The following EPS15L1 variants were observed in gnomAD, a reference collection of about 807,000 sequenced individuals.
EPS15L1 encodes the protein epidermal growth factor receptor substrate 15-like 1.
A neutral mutation model predicts 117.1 loss-of-function variants in EPS15L1; 43 were observed. The ratio of observed to expected loss-of-function variants is 0.37; its 90% CI spans 0.29 to 0.47. EPS15L1 has a LOEUF of 0.47. EPS15L1 is among the 20% of genes least tolerant of loss of function. The pLI is 0.99. For missense variants in EPS15L1, 981 were observed against 1,164.0 expected (o/e 0.84, Z 2.29); for synonymous variants, 459 against 470.5 (o/e 0.98, Z 0.32).
intron 13 of EPS15L1, chr19:16,413,194 G>C (rs772909699): frequency 9.5e-5 from 62 of 652,996 alleles, no homozygotes; most frequent in Non-Finnish European, 1.7e-4. Flanking sequence ...CCCGTGTGCA[G>C]AGGCTACTGG....
rs1156931708 is a variant in EPS15L1 at position 16,371,949 on chromosome 19, G to A, written c.2380+5173C>T. Among the ~76,000 whole-genome samples, 1 of 152,212 alleles carries A rather than the reference G, an allele frequency of 6.6e-6. No individual in the cohort carries two copies. Among genetic ancestry groups the A allele is most frequent in the East Asian group, 1.9e-4 (1 of 5,200 alleles). Reference sequence around the variant, plus strand: ...CTGACAGGTTTCGGCAGCCTGCCGGGTCTGTGCTGCATCTGCCTGAAAGAA... The same window carrying A: ...CTGACAGGTTTCGGCAGCCTGCCGGATCTGTGCTGCATCTGCCTGAAAGAA... On this transcript the variant is annotated intron_variant, in intron 22 of 23. Transcript: ENST00000455140. This position sits in a 1 kb window ranked among gnomAD's most constrained non-coding sequence, Gnocchi z 4.7.
intron 1 of EPS15L1, among the ~76,000 whole-genome samples, chr19:16,465,654 C>T (rs773986233): frequency 1.3e-5 from 2 of 151,996 alleles, no homozygotes; most frequent in African/African-American, 2.4e-5. Context: ...TGTACTCCAG[C>T]GTAGGCAATA....
rs528403506 is a variant in EPS15L1 at position 16,383,207 on chromosome 19, C to G, written c.2247+1922G>C. ...GTCCAACTCTGTCCTGGCCCGGCAC[C>G]GCCAATAGGAAGTGAGACCGGCTCT... On this transcript the variant is annotated intron_variant, in intron 21 of 23. Coordinates refer to ENST00000455140, the MANE Select transcript of EPS15L1 (RefSeq NM_001258374.3). The surrounding 1 kb of genome is among the most constrained non-coding windows in gnomAD (Gnocchi z 5.2). The G allele has an allele frequency of 3.3e-4, 50 of 152,236 alleles. No homozygotes were observed. Among genetic ancestry groups the G allele is most frequent in the African/African-American group, 1.2e-3 (50 of 41,536 alleles). 9.4% of individuals were successfully genotyped at this position (152,236 alleles called of 1,614,324 possible).
At chr19:16,382,403 T>A (rs1345357058) in intron 21 of EPS15L1, among the ~76,000 whole-genome samples, 2 of 152,154 alleles carry the variant, frequency 1.3e-5, no homozygotes. Context: ...CTCTCTGGGC[T>A]CGGCAAGAGT....
intron 7 of EPS15L1, among the ~76,000 whole-genome samples, chr19:16,432,816 T>G (rs182639000): frequency 2.0e-5 from 3 of 152,224 alleles, no homozygotes; most frequent in African/African-American, 4.8e-5. Context: ...TATTATTATT[T>G]TTTTAAACAG....
At chr19:16,444,961 C>T (rs1003072583) in intron 1 of EPS15L1, among the ~76,000 whole-genome samples, 1 of 152,116 alleles carries the variant, frequency 6.6e-6, no homozygotes, top group Admixed American at 6.6e-5. Context: ...TCAGGTGATC[C>T]GCCTGCTTTG....
In EPS15L1 at chr19:16,463,947, G is replaced by A. The variant is rs1490544658; in HGVS notation, c.33+7966C>T. On this transcript the variant is annotated intron_variant, in intron 1 of 23. Transcript: ENST00000455140. ...ACGCCTTGAGGCAAGATGAAGGATCGCCTGCGCAGATGACAGAAAGAGGGG... is the reference window on the plus strand; with the variant it reads ...ACGCCTTGAGGCAAGATGAAGGATCACCTGCGCAGATGACAGAAAGAGGGG... Among the ~76,000 whole-genome samples, 16 of 152,340 alleles carry A rather than the reference G, an allele frequency of 1.1e-4. No homozygotes were observed. The South Asian group carries it at 1.2e-3, about 12-fold the overall frequency.
chr19:16,422,970 A>AGG (rs34129551), intron 9 of EPS15L1, among the ~76,000 whole-genome samples: 8 of 121,070 alleles, frequency 6.6e-5, no homozygotes, highest in African/African-American at 2.1e-4. Flanking sequence ...GGAAAAAAAA[A>AGG]GGGGGGGGGG....
At chr19:16,402,273 A>T (rs958574370) in intron 16 of EPS15L1, 48 bp downstream of exon 16, 2 of 1,542,194 alleles carry the variant, frequency 1.3e-6, no homozygotes, top group African/African-American at 2.8e-5. Flanking sequence ...CTGCTGTCAC[A>T]CCAGGGGACC....
chr19:16,470,966 A>C (rs1021840477), intron 1 of EPS15L1, among the ~76,000 whole-genome samples: 3 of 152,228 alleles, frequency 2.0e-5, no homozygotes, highest in Non-Finnish European at 4.4e-5. Flanking sequence ...AATGGCTAAG[A>C]GCTTCAACCA....
chr19:16,379,963 C>T (rs745378633), intron 21 of EPS15L1, among the ~76,000 whole-genome samples: 19 of 151,768 alleles, frequency 1.3e-4, no homozygotes, highest in Non-Finnish European at 2.5e-4. Flanking sequence ...CACATAGACG[C>T]GGCTGTCTGA....
At chr19:16,451,149 C>T (rs2093138033) in intron 1 of EPS15L1, among the ~76,000 whole-genome samples, 1 of 151,994 alleles carries the variant, frequency 6.6e-6, no homozygotes, top group South Asian at 2.1e-4. Flanking sequence ...CCGGGTCTCA[C>T]CACGTTGGCC....
At chr19:16,430,537 G>A (rs925860887) in intron 7 of EPS15L1, among the ~76,000 whole-genome samples, 11 of 152,208 alleles carry the variant, frequency 7.2e-5, no homozygotes, top group East Asian at 1.9e-4. Context: ...GTGTCTTCAC[G>A]CAGAGCACTA....
At chr19:16,392,187 C>T (rs957975492) in intron 19 of EPS15L1, 117 bp downstream of exon 19, 13 of 1,160,462 alleles carry the variant, frequency 1.1e-5, no homozygotes, top group Non-Finnish European at 1.6e-5. Flanking sequence ...GACACCATGG[C>T]CCACACTCGC....
Position 16,404,545 on chromosome 19 carries a change from T to C in EPS15L1, c.1428+43A>G. The C allele has an allele frequency of 1.2e-6, 2 of 1,608,924 alleles. No homozygotes were observed. Among genetic ancestry groups the C allele is most frequent in the Non-Finnish European group, 1.7e-6 (2 of 1,176,726 alleles). On this transcript the variant is annotated intron_variant, in intron 14 of 23. Transcript: ENST00000455140. The surrounding 1 kb of genome is among the most constrained non-coding windows in gnomAD (Gnocchi z 4.2). ...CTCAGGGGAGTCCTTGGGAAGCCCC[T>C]GCCTGTGCATAGGGCGCTGCCCCGG...
Position 16,428,719 on chromosome 19 carries a change from G to A in EPS15L1, c.541C>T (p.Arg181Ter). ...SDIDKDGHLD[R>*]DEFAVAMHLV... ...GGACTTACCACAGCGAACTCATCTCGATCCAAGTGCCCATCCTTGTCAATG... is the reference window on the plus strand; with the variant it reads ...GGACTTACCACAGCGAACTCATCTCAATCCAAGTGCCCATCCTTGTCAATG... The change falls in exon 8 of 24, where the codon CGA becomes TGA. Residue 181 changes from arginine (R) to a stop codon, truncating the protein, a stop_gained. Coordinates refer to ENST00000455140, the MANE Select transcript of EPS15L1 (RefSeq NM_001258374.3). LOFTEE classifies it high-confidence loss of function. The A allele has an allele frequency of 1.9e-6, 3 of 1,611,612 alleles. No individual in the cohort carries two copies. The highest frequency in any genetic ancestry group is 1.1e-5 in the South Asian group (1 of 90,026).
chr19:16,433,512 C>T (rs1322814321), intron 7 of EPS15L1, among the ~76,000 whole-genome samples: 1 of 152,006 alleles, frequency 6.6e-6, no homozygotes, highest in Non-Finnish European at 1.5e-5. Context: ...TGAGCTTTAT[C>T]AGAAGAAAAA....
At chr19:16,367,929 A>G (rs1470530623) in intron 22 of EPS15L1, among the ~76,000 whole-genome samples, 1 of 152,008 alleles carries the variant, frequency 6.6e-6, no homozygotes, top group Non-Finnish European at 1.5e-5. Context: ...TATGGTCTCA[A>G]TCAATCCGAT....
In EPS15L1 at chr19:16,371,464, C is replaced by CAACTGTGGGG. The variant is rs2092223452; in HGVS notation, c.2380+5648_2380+5657dup. Among the ~76,000 whole-genome samples, 1 of 152,190 alleles carries CAACTGTGGGG rather than the reference C, an allele frequency of 6.6e-6. No homozygotes were observed. The highest frequency in any genetic ancestry group is 2.4e-5 in the African/African-American group (1 of 41,438). On this transcript the variant is annotated intron_variant, in intron 22 of 23. Transcript: ENST00000455140. The surrounding 1 kb of genome is among the most constrained non-coding windows in gnomAD (Gnocchi z 4.7). ...CTTAGGTAAAAGCTGTTCGTTAGTG[C>CAACTGTGGGG]AACTGTGGGGAGGGGGCGAAAAGAC...
Sources: allele counts gnomAD v4.1 joint callset (sites outside exome capture counted in the v4.1 genomes callset), GRCh38; gene constraint gnomAD v4.1.1; non-coding constraint Gnocchi (gnomAD v3.1); transcripts MANE v1.5; gene names NCBI Gene and HGNC (gene_info 2026-07-23, HGNC 2026-07-21).